The following DMGDH variants were observed in gnomAD, a reference collection of about 807,000 sequenced individuals.
DMGDH encodes dimethylglycine dehydrogenase, mitochondrial.
A neutral mutation model predicts 95.2 loss-of-function variants in DMGDH; 76 were observed. The observed-to-expected ratio is 0.80, with a 90% confidence interval of 0.66 to 0.97. The LOEUF is 0.97. Among genes scored for constraint, DMGDH ranks in the 50% least tolerant of loss-of-function variants. DMGDH has a pLI of 0.00. For synonymous variants in DMGDH, 345 were observed against 377.6 expected (o/e 0.91, Z 1.00); for missense variants, 987 against 1,055.0 (o/e 0.94, Z 0.89).
At chr5:79,063,500 T>C (rs1755271094) in intron 2 of DMGDH, 113 bp downstream of exon 2, 2 of 1,246,932 alleles carry the variant, frequency 1.6e-6, no homozygotes, top group South Asian at 2.4e-5. Context: ...TCCAACGCTA[T>C]TGAAGGGGAA....
Position 79,051,207 on chromosome 5 carries a change from A to C in DMGDH, c.745+80T>G, listed in dbSNP as rs112323050. On this transcript the variant is annotated intron_variant, in intron 5 of 15. Coordinates refer to ENST00000255189, the MANE Select transcript of DMGDH (RefSeq NM_013391.3). ...ATCACAGTGCTTCATGACAATGTCC[A>C]TCGTACGAAACATTACGGCTAAATA... 30 of 1,424,898 alleles carry C rather than the reference A, an allele frequency of 2.1e-5. 1 individual carries two copies. In the African/African-American group the frequency reaches 3.8e-4, roughly 18 times the overall value. 88.3% of individuals were successfully genotyped at this position (1,424,898 alleles called of 1,614,324 possible). A position where few individuals can be genotyped will look rare whatever the true frequency, so the allele number is the denominator to read the frequency against.
At chr5:79,006,863 T>G (rs528459495) in intron 14 of DMGDH, among the ~76,000 whole-genome samples, 4 of 129,138 alleles carry the variant, frequency 3.1e-5, no homozygotes, top group African/African-American at 1.1e-4. Flanking sequence ...AGTCCATTCC[T>G]TTCCTAGTTT....
chr5:79,060,490 T>G (rs1755167287), intron 2 of DMGDH, among the ~76,000 whole-genome samples: 1 of 152,182 alleles, frequency 6.6e-6, no homozygotes, highest in South Asian at 2.1e-4. Context: ...ATTCCCACAC[T>G]CTCCAGACAC....
Position 79,042,443 on chromosome 5 carries a change from T to G in DMGDH, c.1033A>C (p.Ile345Leu). The G allele has an allele frequency of 6.2e-7, 1 of 1,614,180 alleles. No homozygotes were observed. The highest frequency in any genetic ancestry group is 8.5e-7 in the Non-Finnish European group (1 of 1,180,020). The change falls in exon 7 of 16, where the codon ATC (isoleucine) becomes CTC (leucine). Residue 345 changes from isoleucine (I) to leucine (L), a missense_variant. Ile to Leu is a conservative substitution (Grantham distance 5). Coordinates refer to ENST00000255189, the MANE Select transcript of DMGDH (RefSeq NM_013391.3). ...KELFESDLDRIMEHIKAAMEM... is the reference protein window; with the variant it reads ...KELFESDLDRLMEHIKAAMEM... ...ATGGCAGCTTTGATGTGTTCCATGA[T>G]TCGATCTAGATCAGACTCAAAGAGT...
Position 79,042,320 on chromosome 5 carries a change from G to T in DMGDH, c.1156C>A (p.Gln386Lys). The change falls in exon 7 of 16, where the codon CAG becomes AAG. Residue 386 changes from glutamine (Q) to lysine (K), a missense_variant. Coordinates refer to ENST00000255189, the MANE Select transcript of DMGDH (RefSeq NM_013391.3). ...PDILPMVGPH[Q>K]GVRNYWVAIG... ...GCCACCCAGTAGTTTCTGACCCCCT[G>T]ATGGGGCCCCACCATAGGCAGAATG... 1 of 1,614,192 alleles carries T rather than the reference G, an allele frequency of 6.2e-7. No individual in the cohort carries two copies. Among genetic ancestry groups the T allele is most frequent in the Non-Finnish European group, 8.5e-7 (1 of 1,180,028 alleles).
At chr5:79,061,817 GA>G (rs1755218493) in intron 2 of DMGDH, among the ~76,000 whole-genome samples, 3 of 152,008 alleles carry the variant, frequency 2.0e-5, no homozygotes, top group African/African-American at 7.3e-5. Flanking sequence ...AGCTAACTGG[GA>G]GGATTGCTTG....
At position 79,050,812 on chromosome 5, in the gene DMGDH, T is replaced by C. The variant is rs183522118; in HGVS notation, c.745+475A>G. On this transcript the variant is annotated intron_variant, in intron 5 of 15. Coordinates refer to ENST00000255189, the MANE Select transcript of DMGDH (RefSeq NM_013391.3). ...AACAAAAAGAGAAGATTATGAAATA[T>C]GTTTAATAATGTTCTAGAAGGAAAA... 4.9e-4 allele frequency among the ~76,000 whole-genome samples: 74 copies of C among 152,352 alleles called. 1 individual carries two copies. The highest frequency in any genetic ancestry group is 5.9e-5 in the Non-Finnish European group (4 of 68,040).
chr5:79,020,795 CAT>C lies in DMGDH; in HGVS notation c.2250+3474_2250+3475del, dbSNP rs1357324810. On this transcript the variant is annotated intron_variant, in intron 14 of 15. Transcript: ENST00000255189. ...AGAGAGTGAGAAAAAGAGGGAGAAA[CAT>C]ATTATAGAAAACAAATTCTTCTGAT... 4.1e-6 allele frequency: 4 copies of C among 984,846 alleles called. No homozygotes were observed. The Middle Eastern group carries it at 1.5e-3, about 381-fold the overall frequency. The allele number at this position is 984,846 out of a possible 1,614,324, so 61.0% of individuals were successfully genotyped here. A position where few individuals can be genotyped will look rare whatever the true frequency, so the allele number is the denominator to read the frequency against.
At chr5:79,000,328 C>A in intron 15 of DMGDH, 1 of 671,572 alleles carries the variant, frequency 1.5e-6, no homozygotes, top group Non-Finnish European at 2.8e-6. Flanking sequence ...ATCATCCTCA[C>A]AATCCTGTAA....
Position 78,997,858 on chromosome 5 carries a change from C to T in DMGDH, c.*224G>A. ...AATGTGGGGTAAATAAAAAAACATTCATTTCAAATTTCTTCATTTAAAAGA... is the reference window on the plus strand; with the variant it reads ...AATGTGGGGTAAATAAAAAAACATTTATTTCAAATTTCTTCATTTAAAAGA... On this transcript the variant is annotated 3_prime_UTR_variant, in exon 16 of 16. Coordinates refer to ENST00000255189, the MANE Select transcript of DMGDH (RefSeq NM_013391.3). The T allele has an allele frequency of 1.8e-6, 1 of 566,200 alleles. No homozygotes were observed. The highest frequency in any genetic ancestry group is 3.1e-6 in the Non-Finnish European group (1 of 322,548). 35.1% of individuals were successfully genotyped at this position (566,200 alleles called of 1,614,324 possible). A position where few individuals can be genotyped will look rare whatever the true frequency, so the allele number is the denominator to read the frequency against.
In DMGDH at chr5:79,028,565, C is replaced by A. The variant is rs1263147537; in HGVS notation, c.1900G>T (p.Gly634Trp). 1.2e-6 allele frequency: 2 copies of A among 1,613,952 alleles called. No individual in the cohort carries two copies. Among genetic ancestry groups the A allele is most frequent in the African/African-American group, 2.7e-5 (2 of 74,882 alleles). Residue 634 changes from glycine (G) to tryptophan (W), a missense_variant, in exon 12 of 16, where the codon GGG (glycine) becomes TGG (tryptophan). By Grantham distance (184) the Gly-to-Trp change is radical. Coordinates refer to ENST00000255189, the MANE Select transcript of DMGDH (RefSeq NM_013391.3). ...TGAAGGACCTTTCTTGCCTGTGGCCCAGCAACTCCAAGAACTCCAAGCTCA... is the reference window on the plus strand; with the variant it reads ...TGAAGGACCTTTCTTGCCTGTGGCCAAGCAACTCCAAGAACTCCAAGCTCA... Reference protein sequence around the residue: ...TDELGVLGVAGPQARKVLQKL... With the variant: ...TDELGVLGVAWPQARKVLQKL...
intron 7 of DMGDH, among the ~76,000 whole-genome samples, chr5:79,041,272 A>G (rs911192215): frequency 6.6e-6 from 1 of 152,246 alleles, no homozygotes; most frequent in Non-Finnish European, 1.5e-5. Context: ...CTTTGTTGTC[A>G]GCTGTATTCC....
At chr5:79,059,850 A>T (rs1755145054) in intron 2 of DMGDH, among the ~76,000 whole-genome samples, 1 of 152,234 alleles carries the variant, frequency 6.6e-6, no homozygotes, top group Non-Finnish European at 1.5e-5. Context: ...ACAACTTTTT[A>T]GCTACTGCTA....
At chr5:79,003,947 A>T (rs1753500233) in intron 15 of DMGDH, among the ~76,000 whole-genome samples, 2 of 150,904 alleles carry the variant, frequency 1.3e-5, no homozygotes, top group African/African-American at 4.9e-5. Context: ...GCTCTGTCTC[A>T]AAATAAATAA....
rs538369048 is a variant in DMGDH at position 79,067,985 on chromosome 5, G to A, written c.101+1535C>T. ...GGCTGGAGTGCAGTGGTGCAATCTC[G>A]GTTCTCACTGCAGTCTCCGCCTCCC... On this transcript the variant is annotated intron_variant, in intron 1 of 15. Coordinates refer to ENST00000255189, the MANE Select transcript of DMGDH (RefSeq NM_013391.3). 2.6e-5 allele frequency among the ~76,000 whole-genome samples: 4 copies of A among 152,244 alleles called. No individual in the cohort carries two copies. In the East Asian group the frequency reaches 7.7e-4, roughly 29 times the overall value.
chr5:79,038,137 A>G (rs1754401583), intron 7 of DMGDH, among the ~76,000 whole-genome samples: 1 of 152,210 alleles, frequency 6.6e-6, no homozygotes, highest in Non-Finnish European at 1.5e-5. Flanking sequence ...GAGGATTCAT[A>G]CTTCCTGATT....
chr5:79,029,876 A>C (rs1754106485), intron 11 of DMGDH, 28 bp downstream of exon 11: 1 of 1,612,354 alleles, frequency 6.2e-7, no homozygotes, highest in Non-Finnish European at 8.5e-7. Flanking sequence ...TAATGTGTAC[A>C]AAATTTTCTT....
intron 15 of DMGDH, among the ~76,000 whole-genome samples, chr5:78,999,085 C>T (rs974878197): frequency 2.7e-4 from 41 of 152,194 alleles, no homozygotes; most frequent in Non-Finnish European, 8.8e-5. Flanking sequence ...AAAGTCCTAC[C>T]GTCTGGCACA....
chr5:79,052,761 G>T (rs999644036), intron 4 of DMGDH, among the ~76,000 whole-genome samples: 1 of 152,186 alleles, frequency 6.6e-6, no homozygotes, highest in Non-Finnish European at 1.5e-5. Context: ...TGGTAGTGGA[G>T]GTAAAATTTC....
Sources: gnomAD v4.1 joint callset for allele counts (sites outside exome capture counted in the v4.1 genomes callset) on GRCh38, gnomAD v4.1.1 for gene constraint, MANE v1.5 for transcripts, NCBI Gene and HGNC (gene_info 2026-07-23, HGNC 2026-07-21) for gene names.